Variants in EPHA5 observed in about 807,000 individuals in gnomAD.
The protein encoded by EPHA5 is ephrin type-A receptor 5.
In EPHA5, 60 loss-of-function variants were observed where a neutral mutation model predicts 105.0. The ratio of observed to expected loss-of-function variants is 0.57; its 90% CI spans 0.46 to 0.71. The LOEUF (loss-of-function observed/expected upper bound fraction) is 0.71. Ranked by LOEUF, EPHA5 falls within the 30% of genes least tolerant of loss-of-function variation. The pLI, the probability that EPHA5 is intolerant of heterozygous loss-of-function variation, is 0.00. For missense variants in EPHA5, 1,218 were observed against 1,274.7 expected (o/e 0.96, Z 0.68); for synonymous variants, 513 against 449.1 (o/e 1.14, Z -1.80).
chr4:65,473,766 T>C (rs1004884257), intron 5 of EPHA5, among the ~76,000 whole-genome samples: 1 of 152,204 alleles, frequency 6.6e-6, no homozygotes, highest in African/African-American at 2.4e-5. Context: ...GTACAAATGA[T>C]CCCGTAGTGA....
At chr4:65,444,025 A>G (rs1204030518) in intron 5 of EPHA5, among the ~76,000 whole-genome samples, 1 of 152,150 alleles carries the variant, frequency 6.6e-6, no homozygotes, top group African/African-American at 2.4e-5. Context: ...GGAAACATCT[A>G]TTGCTAAGAA....
intron 5 of EPHA5, among the ~76,000 whole-genome samples, chr4:65,449,275 A>C (rs1191133760): frequency 2.0e-5 from 3 of 152,204 alleles, no homozygotes; most frequent in Non-Finnish European, 4.4e-5. Flanking sequence ...AATAAAATAA[A>C]ATGGGATACA....
intron 3 of EPHA5, among the ~76,000 whole-genome samples, chr4:65,516,575 C>T (rs1056027480): frequency 1.5e-4 from 23 of 151,822 alleles, no homozygotes; most frequent in Admixed American, 9.9e-4. Flanking sequence ...GGCATGCGCG[C>T]GTGCATATGT....
chr4:65,451,611 G>A (rs76044895), intron 5 of EPHA5, among the ~76,000 whole-genome samples: 4,747 of 152,222 alleles, frequency 0.031, 108 homozygotes, highest in Middle Eastern at 0.092. Context: ...TTTTATCAAA[G>A]TTAGTACAGC....
At chr4:65,421,626 T>C (rs1428731629) in intron 5 of EPHA5, among the ~76,000 whole-genome samples, 6 of 152,114 alleles carry the variant, frequency 3.9e-5, no homozygotes, top group Non-Finnish European at 7.4e-5. Flanking sequence ...GTAAAATCAT[T>C]TTTTTAGATT....
intron 2 of EPHA5, among the ~76,000 whole-genome samples, chr4:65,638,149 T>C (rs532498585): frequency 1.3e-5 from 2 of 152,314 alleles, no homozygotes; most frequent in Non-Finnish European, 2.9e-5. Context: ...AGTGTAGTAC[T>C]TTTAATTGAA....
At position 65,386,665 on chromosome 4, in the gene EPHA5, ATTT is replaced by A. The variant is rs574217327; in HGVS notation, c.1793+17706_1793+17708del. Among the ~76,000 whole-genome samples the A allele has an allele frequency of 1.7e-3, 265 of 152,118 alleles. 2 individuals are homozygous for A. Among genetic ancestry groups the A allele is most frequent in the African/African-American group, 6.0e-3 (250 of 41,534 alleles). ...GACACTAAATTTTTGCTTTTAAAATATTTTTAATTGCTCATATAAATTTTATAT... is the reference window on the plus strand; with the variant it reads ...GACACTAAATTTTTGCTTTTAAAATATTAATTGCTCATATAAATTTTATAT... On this transcript the variant is annotated intron_variant, in intron 8 of 16. Transcript: ENST00000613740.
chr4:65,619,602 G>A (rs909132383), intron 2 of EPHA5, among the ~76,000 whole-genome samples: 4 of 152,014 alleles, frequency 2.6e-5, no homozygotes, highest in Admixed American at 6.6e-5. Context: ...AAGGACTGGT[G>A]TACTTTTTTT....
intron 3 of EPHA5, among the ~76,000 whole-genome samples, chr4:65,514,708 C>T (rs1296012936): frequency 6.6e-6 from 1 of 152,084 alleles, no homozygotes. Flanking sequence ...CAGAACACTC[C>T]CATTTTTCTC....
intron 5 of EPHA5, among the ~76,000 whole-genome samples, chr4:65,456,420 G>A (rs1727594286): frequency 6.6e-6 from 1 of 151,256 alleles, no homozygotes; most frequent in Non-Finnish European, 1.5e-5. Context: ...CTGATCTATT[G>A]TCTCCAATTT....
intron 3 of EPHA5, among the ~76,000 whole-genome samples, chr4:65,556,457 T>C (rs1234429237): frequency 6.6e-6 from 1 of 152,202 alleles, no homozygotes; most frequent in East Asian, 1.9e-4. Flanking sequence ...CAAGTGTGGG[T>C]AAAAAAGATA....
At chr4:65,585,116 G>T (rs1418811257) in intron 3 of EPHA5, among the ~76,000 whole-genome samples, 1 of 113,892 alleles carries the variant, frequency 8.8e-6, no homozygotes, top group African/African-American at 3.5e-5. Context: ...GTGTGCATGT[G>T]TGTTTGTGTG....
intron 3 of EPHA5, among the ~76,000 whole-genome samples, chr4:65,504,703 A>T (rs1477256074): frequency 6.6e-6 from 1 of 151,918 alleles, no homozygotes; most frequent in Non-Finnish European, 1.5e-5. Context: ...TTTTGACTGC[A>T]GACTATCGTA....
rs116596375 is a variant in EPHA5, at chr4:65,420,658, G to A, written c.1403-93C>T. The A allele has an allele frequency of 7.1e-3, 8,250 of 1,160,522 alleles. 445 individuals carry two copies. In the African/African-American group the frequency reaches 0.11, roughly 16 times the overall value. 71.9% of individuals were successfully genotyped at this position (1,160,522 alleles called of 1,614,324 possible). A position where few individuals can be genotyped will look rare whatever the true frequency, so the allele number is the denominator to read the frequency against. ...TTACGTATATTGGCATTTTGAGAAC[G>A]TAGCAATATAAAAAAAATCCCAATT... On this transcript the variant is annotated intron_variant, in intron 5 of 16. Coordinates refer to ENST00000613740, the MANE Select transcript of EPHA5 (RefSeq NM_001281766.3).
At chr4:65,637,205 A>G (rs1747200814) in intron 2 of EPHA5, among the ~76,000 whole-genome samples, 1 of 145,800 alleles carries the variant, frequency 6.9e-6, no homozygotes, top group South Asian at 2.2e-4. Flanking sequence ...AAAAGAAACC[A>G]TGCCAGCATG....
At chr4:65,427,812 A>G (rs972379980) in intron 5 of EPHA5, among the ~76,000 whole-genome samples, 1 of 152,172 alleles carries the variant, frequency 6.6e-6, no homozygotes, top group African/African-American at 2.4e-5. Context: ...TTTGATTTTC[A>G]TGTCTGTCTT....
chr4:65,519,036 C>G (rs1352356949), intron 3 of EPHA5, among the ~76,000 whole-genome samples: 1 of 152,036 alleles, frequency 6.6e-6, no homozygotes, highest in Non-Finnish European at 1.5e-5. Flanking sequence ...AGACCAATAT[C>G]CTTGATGAAC....
chr4:65,329,286 T>C (rs376288280), intron 16 of EPHA5, among the ~76,000 whole-genome samples: 2 of 151,426 alleles, frequency 1.3e-5, no homozygotes, highest in Middle Eastern at 3.4e-3. Context: ...ACATCTAAGA[T>C]TGAAAGCCAC....
At chr4:65,467,470 G>T (rs1171698774) in intron 5 of EPHA5, among the ~76,000 whole-genome samples, 1 of 152,172 alleles carries the variant, frequency 6.6e-6, no homozygotes, top group Non-Finnish European at 1.5e-5. Flanking sequence ...AGAAAGTAGT[G>T]CATGTAATGA....
Sources: gnomAD v4.1 joint callset for allele counts (sites outside exome capture counted in the v4.1 genomes callset) on GRCh38, gnomAD v4.1.1 for gene constraint, MANE v1.5 for transcripts, NCBI Gene and HGNC (gene_info 2026-07-23, HGNC 2026-07-21) for gene names.